Variants in GSG1L observed in about 807,000 individuals in gnomAD.
GSG1L encodes GSG1 like, also known as germ cell-specific gene 1-like protein.
A neutral mutation model predicts 42.1 loss-of-function variants in GSG1L; 24 were observed. The observed-to-expected ratio is 0.57, with a 90% CI of 0.41 to 0.80. GSG1L has a LOEUF of 0.80. Among genes scored for constraint, GSG1L ranks in the 30% least tolerant of loss-of-function variants. The pLI is 0.00. For synonymous variants in GSG1L, 215 were observed against 203.5 expected (o/e 1.06, Z -0.48); for missense variants, 445 against 472.2 (o/e 0.94, Z 0.53).
chr16:28,041,847 C>T lies in GSG1L; in HGVS notation c.349+21229G>A, dbSNP rs73521074. ...GCACATTCACTTACCCTCTCAGCCT[C>T]GTGCCCTCGCTGGGCATCGCAGATG... On this transcript the variant is annotated intron_variant, in intron 1 of 6. Coordinates refer to ENST00000447459, the MANE Select transcript of GSG1L (RefSeq NM_001109763.2). 4.2e-3 allele frequency among the ~76,000 whole-genome samples: 634 copies of T among 152,322 alleles called. 3 individuals are homozygous for T. Among genetic ancestry groups the T allele is most frequent in the African/African-American group, 0.015 (610 of 41,584 alleles).
chr16:28,029,986 A>G (rs1436488893), intron 1 of GSG1L, among the ~76,000 whole-genome samples: 1 of 152,218 alleles, frequency 6.6e-6, no homozygotes, highest in African/African-American at 2.4e-5. Flanking sequence ...TCACAGATGG[A>G]GGGAGCTCCA....
At chr16:27,977,867 A>G (rs2085269195) in intron 1 of GSG1L, among the ~76,000 whole-genome samples, 1 of 152,192 alleles carries the variant, frequency 6.6e-6, no homozygotes, top group South Asian at 2.1e-4. Flanking sequence ...CACCGTTCAG[A>G]AAAGACAAAT....
intron 2 of GSG1L, among the ~76,000 whole-genome samples, chr16:27,915,337 A>G (rs777641781): frequency 5.4e-4 from 82 of 152,160 alleles, no homozygotes; most frequent in Non-Finnish European, 8.5e-4. Flanking sequence ...AATTTGCCAG[A>G]CTTTCATTTT....
intron 2 of GSG1L, among the ~76,000 whole-genome samples, chr16:27,894,004 T>C (rs888252048): frequency 1.1e-4 from 17 of 152,224 alleles, no homozygotes; most frequent in African/African-American, 4.1e-4. Context: ...CCTCCAGCCC[T>C]GGTTTCCCAA....
chr16:28,017,364 C>T, intron 1 of GSG1L, among the ~76,000 whole-genome samples: 1 of 152,240 alleles, frequency 6.6e-6, no homozygotes, highest in Non-Finnish European at 1.5e-5. Context: ...CATTCAGTCA[C>T]TACTGTGTGA....
intron 2 of GSG1L, among the ~76,000 whole-genome samples, chr16:27,885,117 T>C (rs2084012223): frequency 1.3e-5 from 2 of 152,152 alleles, no homozygotes; most frequent in African/African-American, 4.8e-5. Flanking sequence ...CCTCCAACTA[T>C]ACATTTTGTT....
At chr16:27,849,621 CT>C (rs1190647073) in intron 3 of GSG1L, among the ~76,000 whole-genome samples, 2 of 152,170 alleles carry the variant, frequency 1.3e-5, no homozygotes, top group African/African-American at 4.8e-5. Context: ...CACTGTTAAC[CT>C]CAAACTCCTC....
At chr16:27,951,707 G>A (rs2084952285) in intron 2 of GSG1L, among the ~76,000 whole-genome samples, 1 of 152,196 alleles carries the variant, frequency 6.6e-6, no homozygotes, top group Admixed American at 6.6e-5. Context: ...AAGCAGCTGT[G>A]GAGAGGGGCT....
Position 27,844,961 on chromosome 16 carries a change from C to T in GSG1L, c.651G>A (p.Gly217=). 6.2e-7 allele frequency: 1 copy of T among 1,609,922 alleles called. No individual in the cohort carries two copies. Among genetic ancestry groups the T allele is most frequent in the Admixed American group, 1.7e-5 (1 of 59,908 alleles). The part of the protein sequence containing the change: ...EDWRPHSWDY[G]WSFCLAWGSF... ...GAAGGTCCACTTACCAGAAGGACCA[C>T]CCGTAGTCCCAGGAATGGGGTCTCC... The change falls in exon 4 of 7, where the codon GGG becomes GGA. Residue 217 remains glycine, a synonymous_variant. Transcript: ENST00000447459.
At chr16:27,926,063 T>C (rs889971232) in intron 2 of GSG1L, among the ~76,000 whole-genome samples, 2 of 152,204 alleles carry the variant, frequency 1.3e-5, no homozygotes, top group African/African-American at 2.4e-5. Context: ...GGGCTTCTAA[T>C]TGGATTTCAG....
rs56395297 is a variant in GSG1L, at chr16:27,987,945, C to CAAAA, written c.350-24746_350-24743dup. ...CTGGCAACAGAGCAAGACTCCGTCT[C>CAAAA]AAAAAAAAAAAAAAAAAAAAAACCG... On this transcript the variant is annotated intron_variant, in intron 1 of 6. Coordinates refer to ENST00000447459, the MANE Select transcript of GSG1L (RefSeq NM_001109763.2). 2.6e-3 allele frequency among the ~76,000 whole-genome samples: 238 copies of CAAAA among 92,150 alleles called. 1 individual carries two copies. The highest frequency in any genetic ancestry group is 7.5e-3 in the Middle Eastern group (1 of 134). 60.5% of individuals were successfully genotyped at this position (92,150 alleles called of 152,430 possible).
In GSG1L at chr16:28,050,224, G is replaced by A. The variant is rs555453747; in HGVS notation, c.349+12852C>T. On this transcript the variant is annotated intron_variant, in intron 1 of 6. Transcript: ENST00000447459. ...AGTCAAGGTCTTACTCTGCCACCCAGCCTGGAGTGCAGTGGTGCAATCACA... is the reference window on the plus strand; with the variant it reads ...AGTCAAGGTCTTACTCTGCCACCCAACCTGGAGTGCAGTGGTGCAATCACA... Among the ~76,000 whole-genome samples, 4 of 151,980 alleles carry A rather than the reference G, an allele frequency of 2.6e-5. No homozygotes were observed. The South Asian group carries it at 8.3e-4, about 32-fold the overall frequency.
chr16:27,865,811 C>A (rs944775059), intron 3 of GSG1L, among the ~76,000 whole-genome samples: 23 of 151,644 alleles, frequency 1.5e-4, no homozygotes, highest in Admixed American at 6.6e-5. Context: ...GATACTCCTG[C>A]CTCAGCCTCC....
At chr16:27,961,420 A>AGAAG (rs573084479) in intron 2 of GSG1L, among the ~76,000 whole-genome samples, 165 of 152,342 alleles carry the variant, frequency 1.1e-3, no homozygotes, top group African/African-American at 3.8e-3. Context: ...TGCACATCCC[A>AGAAG]GAAGGCTGCA....
chr16:27,828,406 C>A (rs2083238190), intron 5 of GSG1L, among the ~76,000 whole-genome samples: 1 of 152,204 alleles, frequency 6.6e-6, no homozygotes, highest in African/African-American at 2.4e-5. Flanking sequence ...GGAGCCATCA[C>A]CAATCCCACA....
intron 3 of GSG1L, among the ~76,000 whole-genome samples, chr16:27,860,252 C>G (rs2083630049): frequency 6.6e-6 from 1 of 152,216 alleles, no homozygotes; most frequent in African/African-American, 2.4e-5. Context: ...TGTGAAGCCA[C>G]AGAGACCCTA....
At chr16:27,869,692 T>C (rs1246770437) in intron 3 of GSG1L, among the ~76,000 whole-genome samples, 1 of 133,754 alleles carries the variant, frequency 7.5e-6, no homozygotes, top group African/African-American at 2.9e-5. Context: ...TCTCTGTCTC[T>C]GTCTCCCTCC....
In GSG1L at chr16:27,930,485, GA is replaced by G. The variant is rs1205107887; in HGVS notation, c.397+32670del. 7.2e-5 allele frequency among the ~76,000 whole-genome samples: 11 copies of G among 152,318 alleles called. No homozygotes were observed. In the South Asian group the frequency reaches 2.3e-3, roughly 32 times the overall value. ...CCTCCCACTGGGATGTAAGCTCCAG[GA>G]AGACAGGATTGCTTTTCTTTTCTTC... On this transcript the variant is annotated intron_variant, in intron 2 of 6. Coordinates refer to ENST00000447459, the MANE Select transcript of GSG1L (RefSeq NM_001109763.2).
intron 1 of GSG1L, among the ~76,000 whole-genome samples, chr16:28,034,093 C>T (rs904396864): frequency 1.3e-5 from 2 of 152,014 alleles, no homozygotes; most frequent in Non-Finnish European, 2.9e-5. Flanking sequence ...CTGTCCCAAC[C>T]CATCCTATCC....
Sources: gnomAD v4.1 joint callset for allele counts (sites outside exome capture counted in the v4.1 genomes callset) on GRCh38, gnomAD v4.1.1 for gene constraint, MANE v1.5 for transcripts, NCBI Gene and HGNC (gene_info 2026-07-23, HGNC 2026-07-21) for gene names.